Variants in ZDHHC7 observed in about 807,000 individuals in gnomAD.
ZDHHC7 encodes zDHHC palmitoyltransferase 7.
Under a neutral mutation model 34.1 loss-of-function variants are expected in ZDHHC7, and 12 were observed. The ratio of observed to expected loss-of-function variants is 0.35; its 90% CI spans 0.23 to 0.57. The LOEUF is 0.57. ZDHHC7 is among the 20% of genes least tolerant of loss of function. The pLI is 0.84. For missense variants in ZDHHC7, 388 were observed against 402.7 expected (o/e 0.96, Z 0.31); for synonymous variants, 185 against 155.4 (o/e 1.19, Z -1.42).
At chr16:85,009,862 C>T (rs192183819) in intron 1 of ZDHHC7, among the ~76,000 whole-genome samples, 1 of 151,916 alleles carries the variant, frequency 6.6e-6, no homozygotes, top group African/African-American at 2.4e-5. Flanking sequence ...GCGCCCACCA[C>T]CATGCCCAGC....
At chr16:85,023,423 C>G in the ZDHHC7 span, among the ~76,000 whole-genome samples, 38 of 152,066 alleles carry the variant, frequency 2.5e-4, no homozygotes, top group African/African-American at 8.0e-4. Flanking sequence ...CCTCGGCCTC[C>G]CAAAGTGCTG....
At chr16:85,023,442 G>C in the ZDHHC7 span, among the ~76,000 whole-genome samples, 1 of 152,198 alleles carries the variant, frequency 6.6e-6, no homozygotes, top group Admixed American at 6.5e-5. Context: ...TGGGATTACA[G>C]GCATAAGCCA....
rs761469475 is a variant in ZDHHC7 at position 84,981,882 on chromosome 16, G to A, written c.428C>T (p.Ala143Val). 5.0e-6 allele frequency: 8 copies of A among 1,614,034 alleles called. No homozygotes were observed. The highest frequency in any genetic ancestry group is 6.8e-6 in the Non-Finnish European group (8 of 1,179,996). ...PKCCCIKPER[A>V]HHCSICKRCI... ...GCAGCGCACGTACCTGCAGTGGTGG[G>A]CGCGCTCGGGTTTAATACAGCAGCA... Residue 143 changes from alanine to valine, a missense_variant, in exon 4 of 8, where the codon GCC becomes GTC. Transcript: ENST00000313732.
In ZDHHC7 at chr16:84,981,735, G is replaced by T; in HGVS notation, c.440+135C>A. The T allele has an allele frequency of 2.6e-6, 4 of 1,524,810 alleles. No individual in the cohort carries two copies. The Middle Eastern group carries it at 7.4e-4, about 281-fold the overall frequency. The allele number at this position is 1,524,810 out of a possible 1,614,324, so 94.5% of individuals were successfully genotyped here. ...ACCCCAGAAAGAACATGACACCTAC[G>T]GCCCCGCCCGTACAACGTTGCCCAG... On this transcript the variant is annotated intron_variant, in intron 4 of 7. Transcript: ENST00000313732.
Position 84,982,009 on chromosome 16 carries a change from G to A in ZDHHC7, c.316-15C>T, listed in dbSNP as rs771426924. The stretch of plus-strand genomic sequence containing the variant: ...GGTACTGCCCCCTACCATATAAGAA[G>A]AATGTACTTTAGTTGGGGAGAATGA... On this transcript the variant is annotated splice_polypyrimidine_tract_variant and intron_variant, in intron 3 of 7. Transcript: ENST00000313732. 4.3e-6 allele frequency: 7 copies of A among 1,613,902 alleles called. No homozygotes were observed. Among genetic ancestry groups the A allele is most frequent in the Non-Finnish European group, 5.1e-6 (6 of 1,179,888 alleles).
chr16:85,008,106 A>G (rs886708378), intron 1 of ZDHHC7, among the ~76,000 whole-genome samples: 1 of 152,006 alleles, frequency 6.6e-6, no homozygotes, highest in African/African-American at 2.4e-5. Context: ...AAAGAGCAAG[A>G]CCCTCTCAAA....
Position 84,977,219 on chromosome 16 carries a change from C to T in ZDHHC7, c.626G>A (p.Ser209Asn), listed in dbSNP as rs374085511. The T allele has an allele frequency of 6.2e-7, 1 of 1,614,058 alleles. No individual in the cohort carries two copies. Among genetic ancestry groups the T allele is most frequent in the Non-Finnish European group, 8.5e-7 (1 of 1,180,018 alleles). The change falls in exon 7 of 8, where the codon AGT becomes AAT. Residue 209 changes from serine (S) to asparagine (N), a missense_variant. Physicochemically the swap from Ser to Asn is conservative, Grantham distance 46 (BLOSUM62 1). Coordinates refer to ENST00000313732, the MANE Select transcript of ZDHHC7 (RefSeq NM_017740.3). ...TACAGTTATCGGAGGTGAAAAATCACTGCATTCTGCGGACAAGAGGAAGTT... is the reference window on the plus strand; with the variant it reads ...TACAGTTATCGGAGGTGAAAAATCATTGCATTCTGCGGACAAGAGGAAGTT... ...SCVRGQWTEC[S>N]DFSPPITVIL...
chr16:84,993,367 T>C (rs2072534837), intron 2 of ZDHHC7, among the ~76,000 whole-genome samples: 2 of 152,234 alleles, frequency 1.3e-5, no homozygotes, highest in South Asian at 4.2e-4. Flanking sequence ...TGTGGTGGCT[T>C]ACACCTGTAA....
upstream of ZDHHC7, among the ~76,000 whole-genome samples, chr16:85,014,004 C>A (rs1314057431): frequency 1.3e-5 from 2 of 152,146 alleles, no homozygotes; most frequent in Non-Finnish European, 2.9e-5. Context: ...GTCTTTGTTA[C>A]AGGGACCCCA....
chr16:84,989,649 C>T lies in ZDHHC7; in HGVS notation c.315+655G>A, dbSNP rs182881649. 5.3e-3 allele frequency among the ~76,000 whole-genome samples: 744 copies of T among 140,082 alleles called. 9 individuals carry two copies. Among genetic ancestry groups the T allele is most frequent in the African/African-American group, 0.02 (713 of 35,794 alleles). 91.9% of individuals were successfully genotyped at this position (140,082 alleles called of 152,430 possible). ...GGCAGAGGTTGCAGTGAGCCAAGAT[C>T]GCACATTGCACTCCAGCCTGGGCAA... is the stretch of plus-strand genomic sequence containing the variant. On this transcript the variant is annotated intron_variant, in intron 3 of 7. Transcript: ENST00000313732.
chr16:84,995,647 C>T, intron 2 of ZDHHC7, among the ~76,000 whole-genome samples: 1 of 151,952 alleles, frequency 6.6e-6, no homozygotes, highest in South Asian at 2.1e-4. Context: ...ACAAAAAAAA[C>T]CAAACCACTT....
At chr16:84,997,401 T>C (rs576077929) in intron 1 of ZDHHC7, among the ~76,000 whole-genome samples, 1 of 150,194 alleles carries the variant, frequency 6.7e-6, no homozygotes, top group Non-Finnish European at 1.5e-5. Flanking sequence ...CCTGAGTAGC[T>C]GGGACTACAG....
intron 1 of ZDHHC7, among the ~76,000 whole-genome samples, chr16:85,001,770 T>C (rs1475015240): frequency 6.6e-6 from 1 of 152,134 alleles, no homozygotes; most frequent in Non-Finnish European, 1.5e-5. Context: ...CAAGATGGGA[T>C]CTTGCTAGTT....
intron 2 of ZDHHC7, among the ~76,000 whole-genome samples, chr16:84,993,062 G>C (rs1014158331): frequency 1.3e-5 from 2 of 152,170 alleles, no homozygotes; most frequent in Non-Finnish European, 2.9e-5. Context: ...GCTGGGTGCA[G>C]TGGCTCAAGT....
chr16:85,013,430 A>G (rs1235034806), upstream of ZDHHC7, among the ~76,000 whole-genome samples: 1 of 151,994 alleles, frequency 6.6e-6, no homozygotes, highest in Non-Finnish European at 1.5e-5. Context: ...TTTAGTAAAG[A>G]TAGGGTTTTG....
intron 3 of ZDHHC7, among the ~76,000 whole-genome samples, chr16:84,986,963 C>T (rs980778895): frequency 2.0e-5 from 3 of 152,160 alleles, no homozygotes; most frequent in African/African-American, 4.8e-5. Flanking sequence ...CCTGCTGGGC[C>T]ATGCCCACTC....
At chr16:84,997,670 G>A (rs1189307494) in intron 1 of ZDHHC7, among the ~76,000 whole-genome samples, 5 of 150,842 alleles carry the variant, frequency 3.3e-5, no homozygotes, top group East Asian at 4.0e-4. Flanking sequence ...TGAGGTGGGC[G>A]GATCACAAGG....
rs766306636 is a variant in ZDHHC7, at chr16:84,977,080, G to A, written c.750+15C>T. On this transcript the variant is annotated intron_variant, in intron 7 of 7. Transcript: ENST00000313732. ...GACCACATATGAAGTCCACACAGCCGAGAACAAAGCTTACCGTCTCGTCGT... is the reference window on the plus strand; with the variant it reads ...GACCACATATGAAGTCCACACAGCCAAGAACAAAGCTTACCGTCTCGTCGT... The A allele has an allele frequency of 3.9e-5, 63 of 1,613,990 alleles. No homozygotes were observed. The highest frequency in any genetic ancestry group is 8.0e-5 in the African/African-American group (6 of 75,036).
At position 84,977,129 on chromosome 16, in the gene ZDHHC7, C is replaced by A. The variant is rs188504759; in HGVS notation, c.716G>T (p.Gly239Val). 1.2e-5 allele frequency: 19 copies of A among 1,614,108 alleles called. No individual in the cohort carries two copies. In the Admixed American group the frequency reaches 2.3e-4, roughly 20 times the overall value. ...GTTGCATATGGAGTGGATTTGGGTG[C>A]CAAACATAACTGCAGTGAAAGTGAA... is the stretch of plus-strand genomic sequence containing the variant. The part of the protein sequence containing the change: ...LFFTFTAVMF[G>V]TQIHSICNDE... The change falls in exon 7 of 8, where the codon GGC (glycine) becomes GTC (valine). Residue 239 changes from glycine to valine, a missense_variant. Coordinates refer to ENST00000313732, the MANE Select transcript of ZDHHC7 (RefSeq NM_017740.3).
Sources: allele counts gnomAD v4.1 joint callset (sites outside exome capture counted in the v4.1 genomes callset), GRCh38; gene constraint gnomAD v4.1.1; transcripts MANE v1.5; gene names NCBI Gene and HGNC (gene_info 2026-07-23, HGNC 2026-07-21).